ZNF267: variants seen among roughly 807,000 people sequenced by gnomAD.
ZNF267 encodes the protein zinc finger protein 267, also known as zinc finger (C2H2).
ZNF267 carries 61 observed loss-of-function variants against 71.6 expected under a neutral mutation model. The observed-to-expected ratio is 0.85, with a 90% confidence interval of 0.69 to 1.05. The LOEUF (loss-of-function observed/expected upper bound fraction) is 1.05, where lower values mean the gene tolerates loss of function less well. Among genes scored for constraint, ZNF267 ranks in the 50% least tolerant of loss-of-function variants. ZNF267 has a pLI of 0.00. For missense variants in ZNF267, 852 were observed against 870.0 expected (o/e 0.98, Z 0.26); for synonymous variants, 288 against 293.2 (o/e 0.98, Z 0.18).
intron 1 of ZNF267, among the ~76,000 whole-genome samples, chr16:31,879,793 C>G (rs2083877241): frequency 1.3e-5 from 2 of 152,206 alleles, no homozygotes; most frequent in African/African-American, 4.8e-5. Context: ...GAAACTGATT[C>G]AGAGACCATG....
chr16:31,892,006 T>C (rs1337178111), intron 3 of ZNF267, among the ~76,000 whole-genome samples: 1 of 152,148 alleles, frequency 6.6e-6, no homozygotes, highest in African/African-American at 2.4e-5. Context: ...TTGACCAAAA[T>C]GCTGATAATG....
At chr16:31,906,593 TCTC>T (rs2084092543) in intron 3 of ZNF267, among the ~76,000 whole-genome samples, 1 of 152,176 alleles carries the variant, frequency 6.6e-6, no homozygotes, top group African/African-American at 2.4e-5. Flanking sequence ...CGGGATATAA[TCTC>T]CTGGTGTGCC....
chr16:31,907,421 G>T lies in ZNF267; in HGVS notation c.227-7055G>T, dbSNP rs533279370. Among the ~76,000 whole-genome samples, 15 of 152,122 alleles carry T rather than the reference G, an allele frequency of 9.9e-5. No homozygotes were observed. The South Asian group carries it at 3.1e-3, about 32-fold the overall frequency. On this transcript the variant is annotated intron_variant, in intron 3 of 3. Coordinates refer to ENST00000300870, the MANE Select transcript of ZNF267 (RefSeq NM_003414.6). ...AAAATTTCAAATGACCTGTTATCAA[G>T]TGTGCTGGGGATTTTTTACCTGCTA...
intron 3 of ZNF267, among the ~76,000 whole-genome samples, chr16:31,908,434 G>C (rs1456585219): frequency 6.6e-6 from 1 of 151,938 alleles, no homozygotes; most frequent in Non-Finnish European, 1.5e-5. Context: ...TTTTTGCTTT[G>C]TTTCCCTGTG....
intron 3 of ZNF267, among the ~76,000 whole-genome samples, chr16:31,885,648 G>T (rs2083919226): frequency 6.6e-6 from 1 of 152,174 alleles, no homozygotes; most frequent in African/African-American, 2.4e-5. Context: ...GAGAGTGATG[G>T]ACAGTGGAAT....
intron 2 of ZNF267, 36 bp downstream of exon 2, chr16:31,884,660 A>G (rs775590825): frequency 6.3e-7 from 1 of 1,583,606 alleles, no homozygotes. Flanking sequence ...TCTAATAACT[A>G]AGAGTTTTAT....
chr16:31,891,239 T>G (rs1213164149), intron 3 of ZNF267, among the ~76,000 whole-genome samples: 2 of 152,184 alleles, frequency 1.3e-5, no homozygotes, highest in African/African-American at 4.8e-5. Flanking sequence ...TTTCACACAT[T>G]TTATTACTGT....
Position 31,916,514 on chromosome 16 carries a change from T to A in ZNF267, c.*33T>A. The A allele has an allele frequency of 6.3e-7, 1 of 1,576,694 alleles. No homozygotes were observed. The highest frequency in any genetic ancestry group is 8.6e-7 in the Non-Finnish European group (1 of 1,160,008). ...AAACATGGAGCAGATTTTTTACTTG[T>A]TACCCATGTCTTATTGTGCATCAGA... On this transcript the variant is annotated 3_prime_UTR_variant, in exon 4 of 4. Transcript: ENST00000300870.
At chr16:31,889,080 G>C (rs539963454) in intron 3 of ZNF267, among the ~76,000 whole-genome samples, 1 of 150,588 alleles carries the variant, frequency 6.6e-6, no homozygotes, top group African/African-American at 2.4e-5. Flanking sequence ...TTATGTAATT[G>C]TTCATAATAG....
intron 3 of ZNF267, among the ~76,000 whole-genome samples, chr16:31,906,200 G>A (rs1260690674): frequency 6.6e-6 from 1 of 152,198 alleles, no homozygotes; most frequent in Non-Finnish European, 1.5e-5. Context: ...TCCTACTGGG[G>A]GGTGCCTCCC....
intron 1 of ZNF267, among the ~76,000 whole-genome samples, chr16:31,881,306 C>T (rs1235258946): frequency 6.6e-6 from 1 of 152,008 alleles, no homozygotes; most frequent in Non-Finnish European, 1.5e-5. Flanking sequence ...TAGCCCAGCC[C>T]CTGCCCCAGC....
rs2083999819 is a variant in ZNF267 at position 31,896,451 on chromosome 16, T to A, written c.226+11195T>A. 1.3e-5 allele frequency among the ~76,000 whole-genome samples: 2 copies of A among 152,238 alleles called. 1 individual carries two copies. The highest frequency in any genetic ancestry group is 1.3e-4 in the Admixed American group (2 of 15,282). ...TTCTTTAATCCAGTTTGACTTGATT[T>A]TTTTGGTATATGGTGAGTGGTAGCA... On this transcript the variant is annotated intron_variant, in intron 3 of 3. Coordinates refer to ENST00000300870, the MANE Select transcript of ZNF267 (RefSeq NM_003414.6).
At chr16:31,909,088 T>TGTCC (rs2084114472) in intron 3 of ZNF267, among the ~76,000 whole-genome samples, 1 of 148,012 alleles carries the variant, frequency 6.8e-6, no homozygotes, top group African/African-American at 2.5e-5. Context: ...TGTGTGTGTG[T>TGTCC]GTCCTCTTCT....
At chr16:31,887,251 CTTTTTTT>C (rs760504639) in intron 3 of ZNF267, among the ~76,000 whole-genome samples, 3 of 130,064 alleles carry the variant, frequency 2.3e-5, no homozygotes, top group African/African-American at 8.4e-5. Flanking sequence ...GTCAGATTTA[CTTTTTTT>C]TTTTTTTTTG....
At chr16:31,889,918 C>T (rs983250775) in intron 3 of ZNF267, among the ~76,000 whole-genome samples, 1 of 152,204 alleles carries the variant, frequency 6.6e-6, no homozygotes, top group Non-Finnish European at 1.5e-5. Flanking sequence ...CACTGTATCA[C>T]ACACATTTGT....
chr16:31,896,980 C>T (rs1180727589), intron 3 of ZNF267, among the ~76,000 whole-genome samples: 1 of 151,664 alleles, frequency 6.6e-6, no homozygotes, highest in Non-Finnish European at 1.5e-5. Context: ...AGGAATATTT[C>T]ATCTTCTTAG....
chr16:31,902,998 C>T (rs528152835), intron 3 of ZNF267, among the ~76,000 whole-genome samples: 6 of 152,064 alleles, frequency 3.9e-5, no homozygotes, highest in South Asian at 2.1e-4. Context: ...TAGCATGAAG[C>T]GTTGTTGAAT....
At chr16:31,877,680 A>T (rs185434295) in intron 1 of ZNF267, among the ~76,000 whole-genome samples, 1 of 152,278 alleles carries the variant, frequency 6.6e-6, no homozygotes, top group Admixed American at 6.5e-5. Context: ...TGGCTTTGTG[A>T]TGACTAAATC....
chr16:31,912,640 C>T (rs1329021254), intron 3 of ZNF267: 1 of 151,660 alleles, frequency 6.6e-6, no homozygotes, highest in East Asian at 1.9e-4. Flanking sequence ...CTCTTTCTCT[C>T]TTTAAGGCTA....
Sources: gnomAD v4.1 joint callset for allele counts (sites outside exome capture counted in the v4.1 genomes callset) on GRCh38, gnomAD v4.1.1 for gene constraint, MANE v1.5 for transcripts, NCBI Gene and HGNC (gene_info 2026-07-23, HGNC 2026-07-21) for gene names.